LIN52: variants seen among roughly 807,000 people sequenced by gnomAD.
The protein encoded by LIN52 is protein lin-52 homolog.
In LIN52, 4 loss-of-function variants were observed where a neutral mutation model predicts 18.5. The observed-to-expected ratio is 0.22, with a 90% CI of 0.11 to 0.49. The LOEUF (loss-of-function observed/expected upper bound fraction) is 0.49, where lower values mean the gene tolerates loss of function less well. LIN52 is among the 20% of genes least tolerant of loss of function. LIN52 has a pLI of 0.97. For synonymous variants in LIN52, 34 were observed against 45.5 expected (o/e 0.75, Z 1.02); for missense variants, 102 against 139.5 (o/e 0.73, Z 1.35).
At chr14:74,160,168 A>G (rs113333167) in intron 5 of LIN52, among the ~76,000 whole-genome samples, 7 of 152,328 alleles carry the variant, frequency 4.6e-5, no homozygotes, top group African/African-American at 1.7e-4. Flanking sequence ...CTTTATACAA[A>G]GGAAAAGTTT....
rs58306961 is a variant in LIN52 at position 74,110,593 on chromosome 14, C to T, written c.283+9355C>T. ...GCTGAGGCAGGAGAATCGCTTGAAC[C>T]TGGGAGGCAGAGGTTGCAGTGAGCC... On this transcript the variant is annotated intron_variant, in intron 5 of 5. Transcript: ENST00000555028. 3.5e-3 allele frequency among the ~76,000 whole-genome samples: 533 copies of T among 152,086 alleles called. 4 individuals are homozygous for T. Among genetic ancestry groups the T allele is most frequent in the African/African-American group, 0.012 (506 of 41,478 alleles).
intron 5 of LIN52, among the ~76,000 whole-genome samples, chr14:74,155,557 T>G (rs1019926050): frequency 5.3e-5 from 8 of 152,150 alleles, no homozygotes; most frequent in African/African-American, 1.9e-4. Flanking sequence ...GCCCCTTCAT[T>G]CTCCCCTCCC....
chr14:74,123,843 T>C lies in LIN52; in HGVS notation c.283+22605T>C, dbSNP rs73305116. ...ATTGCCATGTGAGTATAAAGAAAAC[T>C]AGCCTGGGATTTCAGAGATCCTGGT... On this transcript the variant is annotated intron_variant, in intron 5 of 5. Transcript: ENST00000555028. 4.5e-3 allele frequency among the ~76,000 whole-genome samples: 681 copies of C among 152,294 alleles called. 4 individuals are homozygous for C. The highest frequency in any genetic ancestry group is 0.015 in the African/African-American group (635 of 41,564).
chr14:74,184,144 G>A (rs1761345500), intron 5 of LIN52, among the ~76,000 whole-genome samples: 1 of 152,180 alleles, frequency 6.6e-6, no homozygotes, highest in South Asian at 2.1e-4. Flanking sequence ...GCACAGGTGT[G>A]ATCTTCACTC....
chr14:74,116,130 C>T (rs1275467193), intron 5 of LIN52, among the ~76,000 whole-genome samples: 1 of 152,086 alleles, frequency 6.6e-6, no homozygotes, highest in Admixed American at 6.6e-5. Context: ...TGGTGAAACC[C>T]TGTCTCTACT....
intron 5 of LIN52, among the ~76,000 whole-genome samples, chr14:74,117,038 G>A (rs889093291): frequency 6.6e-6 from 1 of 152,060 alleles, no homozygotes; most frequent in African/African-American, 2.4e-5. Flanking sequence ...AAACAAAATT[G>A]TACTTAAATC....
chr14:74,097,425 CT>C (rs35249058), intron 3 of LIN52, among the ~76,000 whole-genome samples: 21,806 of 133,302 alleles, frequency 0.16, 1,611 homozygotes, highest in African/African-American at 0.22. Context: ...TTTTCTTTTT[CT>C]TTTTTTTTTT....
At chr14:74,092,227 G>A (rs953456665) in intron 2 of LIN52, among the ~76,000 whole-genome samples, 4 of 148,744 alleles carry the variant, frequency 2.7e-5, no homozygotes, top group Non-Finnish European at 4.5e-5. Flanking sequence ...CTGCCTCAGC[G>A]TCCCAAAGTG....
chr14:74,125,927 T>C (rs371609284), intron 5 of LIN52, among the ~76,000 whole-genome samples: 1 of 149,162 alleles, frequency 6.7e-6, no homozygotes, highest in African/African-American at 2.5e-5. Context: ...TTAGGAGATA[T>C]ACCTAATGTT....
chr14:74,101,135 A>G lies in LIN52; in HGVS notation c.200-20A>G, dbSNP rs2060851330. 1 of 1,600,792 alleles carries G rather than the reference A, an allele frequency of 6.2e-7. No individual in the cohort carries two copies. On this transcript the variant is annotated intron_variant, in intron 4 of 5. Coordinates refer to ENST00000555028, the MANE Select transcript of LIN52 (RefSeq NM_001024674.3). ...GAAGAGTGGAAAGAAATGATGTTGA[A>G]ATAAATGATTCTGTTTCAGAACTGG...
intron 5 of LIN52, among the ~76,000 whole-genome samples, chr14:74,194,114 A>G (rs988214396): frequency 2.0e-5 from 3 of 152,192 alleles, no homozygotes; most frequent in Non-Finnish European, 4.4e-5. Flanking sequence ...AATAAAACCC[A>G]TATGTCATTG....
At chr14:74,191,164 G>A (rs1441105352) in intron 5 of LIN52, among the ~76,000 whole-genome samples, 1 of 152,224 alleles carries the variant, frequency 6.6e-6, no homozygotes, top group Non-Finnish European at 1.5e-5. Context: ...ACATTCCTGC[G>A]AGACAGAAAT....
At chr14:74,096,107 C>T (rs1009678148) in intron 3 of LIN52, 122 bp downstream of exon 3, 12 of 628,800 alleles carry the variant, frequency 1.9e-5, no homozygotes, top group Non-Finnish European at 2.9e-5. Context: ...TTCGCCCAGG[C>T]TGGAGTGCAG....
chr14:74,133,706 G>A (rs1238911016), intron 5 of LIN52, among the ~76,000 whole-genome samples: 3 of 152,230 alleles, frequency 2.0e-5, no homozygotes, highest in South Asian at 2.1e-4. Flanking sequence ...CTCCAATTTC[G>A]TTCACCCATT....
chr14:74,175,751 C>CACACACA (rs778907221), intron 5 of LIN52, among the ~76,000 whole-genome samples: 14 of 130,246 alleles, frequency 1.1e-4, no homozygotes, highest in South Asian at 4.4e-4. Context: ...CACACACACA[C>CACACACA]CCCCATTATA....
At chr14:74,172,539 T>G (rs2061276282) in intron 5 of LIN52, among the ~76,000 whole-genome samples, 1 of 152,236 alleles carries the variant, frequency 6.6e-6, no homozygotes, top group Non-Finnish European at 1.5e-5. Context: ...CTGCGTGTGC[T>G]CTAAGTTTGA....
rs71460962 is a variant in LIN52 at position 74,165,513 on chromosome 14, C to CTTTTTTTTTTTTTTTTTTTTTTTTTTT, written c.284-33394_284-33393insTTTTTTTTTTTTTTTTTTTTTTTTTTT. Among the ~76,000 whole-genome samples the CTTTTTTTTTTTTTTTTTTTTTTTTTTT allele has an allele frequency of 1.8e-5, 2 of 110,262 alleles. 1 individual carries two copies. Among genetic ancestry groups the CTTTTTTTTTTTTTTTTTTTTTTTTTTT allele is most frequent in the Non-Finnish European group, 3.6e-5 (2 of 56,130 alleles). The allele number at this position is 110,262 out of a possible 152,430, so 72.3% of individuals were successfully genotyped here. A position where few individuals can be genotyped will look rare whatever the true frequency, so the allele number is the denominator to read the frequency against. On this transcript the variant is annotated intron_variant, in intron 5 of 5. Transcript: ENST00000555028. The stretch of plus-strand genomic sequence containing the variant: ...AATGGAGAATTACAGGTTTTCTTTT[C>CTTTTTTTTTTTTTTTTTTTTTTTTTTT]TTTTTTTTTTTTTTTGAGACAGAGT...
chr14:74,143,601 T>C (rs1022829252), intron 5 of LIN52, among the ~76,000 whole-genome samples: 35 of 99,804 alleles, frequency 3.5e-4, no homozygotes, highest in Non-Finnish European at 6.1e-4. Flanking sequence ...AACAAAGAAT[T>C]TACTGTGAAG....
At chr14:74,108,793 TATTATCACATATATGAC>T (rs1265354033) in intron 5 of LIN52, among the ~76,000 whole-genome samples, 13 of 152,284 alleles carry the variant, frequency 8.5e-5, no homozygotes, top group African/African-American at 2.9e-4. Flanking sequence ...ATATATATGT[TATTATCACATATATGAC>T]ATTATCAGAT....
Sources: allele counts gnomAD v4.1 joint callset (sites outside exome capture counted in the v4.1 genomes callset), GRCh38; gene constraint gnomAD v4.1.1; transcripts MANE v1.5; gene names NCBI Gene and HGNC (gene_info 2026-07-23, HGNC 2026-07-21).